PPFIA2: variants seen among roughly 807,000 people sequenced by gnomAD.
PPFIA2 encodes PPFI scaffold protein A2, also known as liprin-alpha-2.
Under a neutral mutation model 175.5 loss-of-function variants are expected in PPFIA2, and 46 were observed. That is an observed-to-expected ratio of 0.26 (90% CI 0.21 to 0.34). The LOEUF is 0.34. Among genes scored for constraint, PPFIA2 ranks in the 10% least tolerant of loss-of-function variants. The probability of loss-of-function intolerance (pLI) is 1.00; values close to 1 mark genes in which losing one functional copy is unlikely to be tolerated. For missense variants in PPFIA2, 1,179 were observed against 1,506.1 expected, an observed-to-expected ratio of 0.78 and a Z score of 3.60; for synonymous variants, 568 against 511.4, an observed-to-expected ratio of 1.11 and a Z score of -1.49.
chr12:81,399,589 A>G (rs978420307), intron 8 of PPFIA2, among the ~76,000 whole-genome samples: 1 of 152,116 alleles, frequency 6.6e-6, no homozygotes, highest in Non-Finnish European at 1.5e-5. Context: ...AACTTCATGT[A>G]TATATGGATA....
At chr12:81,507,595 G>C (rs1228949972) in intron 4 of PPFIA2, among the ~76,000 whole-genome samples, 3 of 151,998 alleles carry the variant, frequency 2.0e-5, no homozygotes, top group Non-Finnish European at 4.4e-5. Flanking sequence ...AAGTTTGTTG[G>C]ATTTATTTTT....
At chr12:81,382,579 A>C (rs1049598278) in intron 9 of PPFIA2, among the ~76,000 whole-genome samples, 1 of 152,154 alleles carries the variant, frequency 6.6e-6, no homozygotes, top group Non-Finnish European at 1.5e-5. Flanking sequence ...GAATACTTTG[A>C]AATTGTAAAT....
At chr12:81,557,962 C>T (rs756387526) in intron 4 of PPFIA2, among the ~76,000 whole-genome samples, 1 of 151,976 alleles carries the variant, frequency 6.6e-6, no homozygotes. Context: ...CTGGGTAGCA[C>T]AATTATAGGG....
chr12:81,658,646 T>C (rs1028710203), intron 4 of PPFIA2, among the ~76,000 whole-genome samples: 2 of 151,950 alleles, frequency 1.3e-5, no homozygotes, highest in African/African-American at 4.8e-5. Flanking sequence ...TGTAGAAGAA[T>C]ATACGTATAT....
chr12:81,729,826 T>C (rs191239289), intron 3 of PPFIA2, among the ~76,000 whole-genome samples: 59 of 151,536 alleles, frequency 3.9e-4, no homozygotes, highest in African/African-American at 1.4e-3. Flanking sequence ...AAAATTAGGA[T>C]GAATGCAGCC....
In PPFIA2 at chr12:81,507,105, T is replaced by A. The variant is rs558009643; in HGVS notation, c.304-49239A>T. ...TTTTTTCTATGGTTCAGATGAGCAATGCTGGCTGACAGAAATGCTTATCTA... is the reference window on the plus strand; with the variant it reads ...TTTTTTCTATGGTTCAGATGAGCAAAGCTGGCTGACAGAAATGCTTATCTA... On this transcript the variant is annotated intron_variant, in intron 4 of 32. Transcript: ENST00000549396. Among the ~76,000 whole-genome samples the A allele has an allele frequency of 2.0e-5, 3 of 152,294 alleles. No homozygotes were observed. The East Asian group carries it at 5.8e-4, about 29-fold the overall frequency.
At chr12:81,680,606 T>A (rs1248147161) in intron 3 of PPFIA2, among the ~76,000 whole-genome samples, 1 of 151,930 alleles carries the variant, frequency 6.6e-6, no homozygotes, top group Non-Finnish European at 1.5e-5. Flanking sequence ...GGCAGTCTTA[T>A]GAGGAGCTTT....
intron 4 of PPFIA2, among the ~76,000 whole-genome samples, chr12:81,521,651 CA>C (rs1167533871): frequency 0.35 from 30,472 of 87,514 alleles, 3,408 homozygotes; most frequent in African/African-American, 0.43. Flanking sequence ...TAATAAAATA[CA>C]AAAAAAAAAA....
chr12:81,603,478 C>T (rs2059990590), intron 4 of PPFIA2, among the ~76,000 whole-genome samples: 1 of 151,034 alleles, frequency 6.6e-6, no homozygotes, highest in African/African-American at 2.4e-5. Flanking sequence ...AGTATGTTTA[C>T]ATTTGAGGAG....
chr12:81,276,325 C>T (rs568849677), intron 28 of PPFIA2, among the ~76,000 whole-genome samples: 40 of 152,216 alleles, frequency 2.6e-4, no homozygotes, highest in African/African-American at 9.6e-4. Flanking sequence ...GTACAATGTA[C>T]ATCATTCAGG....
intron 26 of PPFIA2, 54 bp from the exon 27 acceptor site, chr12:81,281,504 T>G: frequency 8.3e-7 from 1 of 1,207,824 alleles, no homozygotes; most frequent in Non-Finnish European, 1.2e-6. Flanking sequence ...AAGATGGTAA[T>G]TGGATAATAT....
At chr12:81,504,037 T>A (rs1014244093) in intron 4 of PPFIA2, among the ~76,000 whole-genome samples, 9 of 152,078 alleles carry the variant, frequency 5.9e-5, no homozygotes, top group African/African-American at 1.9e-4. Flanking sequence ...GGAGACATTA[T>A]TATTTGTTTT....
At chr12:81,461,101 C>A (rs1355505458) in intron 4 of PPFIA2, among the ~76,000 whole-genome samples, 5 of 152,074 alleles carry the variant, frequency 3.3e-5, no homozygotes, top group Non-Finnish European at 7.4e-5. Flanking sequence ...AAAATTCAAA[C>A]CACCCAAAAC....
chr12:81,554,939 G>C (rs933087925), intron 4 of PPFIA2, among the ~76,000 whole-genome samples: 1 of 151,908 alleles, frequency 6.6e-6, no homozygotes, highest in African/African-American at 2.4e-5. Flanking sequence ...AATAAGTATT[G>C]GTCTTCTCTT....
intron 17 of PPFIA2, among the ~76,000 whole-genome samples, chr12:81,352,392 AG>A (rs1237729268): frequency 2.6e-5 from 4 of 151,406 alleles, no homozygotes; most frequent in Non-Finnish European, 5.9e-5. Context: ...AGAGAGAGAG[AG>A]AGAGAGGCTT....
At chr12:81,513,324 C>G (rs1191805372) in intron 4 of PPFIA2, among the ~76,000 whole-genome samples, 1 of 151,970 alleles carries the variant, frequency 6.6e-6, no homozygotes, top group Non-Finnish European at 1.5e-5. Context: ...AGTACAACCA[C>G]TATGGAAAAC....
chr12:81,271,342 C>T (rs566492781), intron 28 of PPFIA2, among the ~76,000 whole-genome samples: 51 of 152,278 alleles, frequency 3.3e-4, no homozygotes, highest in African/African-American at 1.2e-3. Flanking sequence ...ATGATCTCTG[C>T]TTACTGCAAC....
At chr12:81,442,463 G>T (rs892671144) in intron 6 of PPFIA2, among the ~76,000 whole-genome samples, 2 of 151,822 alleles carry the variant, frequency 1.3e-5, no homozygotes, top group East Asian at 3.9e-4. Context: ...AATATATAGG[G>T]AAGGCATATA....
intron 4 of PPFIA2, among the ~76,000 whole-genome samples, chr12:81,581,227 T>C (rs1595217399): frequency 6.7e-6 from 1 of 150,166 alleles, no homozygotes; most frequent in South Asian, 2.1e-4. Context: ...TTATAGCAGG[T>C]GGGACAGTGT....
Sources: gnomAD v4.1 joint callset for allele counts (sites outside exome capture counted in the v4.1 genomes callset) on GRCh38, gnomAD v4.1.1 for gene constraint, MANE v1.5 for transcripts, NCBI Gene and HGNC (gene_info 2026-07-23, HGNC 2026-07-21) for gene names.